Variants in DLG2 observed in about 807,000 individuals in gnomAD.
The protein encoded by DLG2 is disks large homolog 2.
A neutral mutation model predicts 132.5 loss-of-function variants in DLG2; 45 were observed. That is an observed-to-expected ratio of 0.34 (90% confidence interval 0.27 to 0.44). The LOEUF is 0.44. Among genes scored for constraint, DLG2 ranks in the 20% least tolerant of loss-of-function variants. The pLI, the probability that DLG2 is intolerant of heterozygous loss-of-function variation, is 1.00. For missense variants in DLG2, 1,045 were observed against 1,196.9 expected (o/e 0.87, Z 1.87); for synonymous variants, 424 against 419.6 (o/e 1.01, Z -0.13).
chr11:85,075,081 C>A (rs1296657991), intron 6 of DLG2, among the ~76,000 whole-genome samples: 1 of 151,786 alleles, frequency 6.6e-6, no homozygotes, highest in Non-Finnish European at 1.5e-5. Context: ...TGAGGAGTAA[C>A]ACAGGACATT....
At position 84,164,135 on chromosome 11, in the gene DLG2, C is replaced by T. The variant is rs185117997; in HGVS notation, c.574-624G>A. Among the ~76,000 whole-genome samples the T allele has an allele frequency of 1.7e-3, 258 of 152,186 alleles. 1 individual carries two copies. Among genetic ancestry groups the T allele is most frequent in the East Asian group, 5.8e-4 (3 of 5,172 alleles). ...AGACACATTTTGAAATGCTTAGTGA[C>T]GAATTGTTTCAACCATCCAACCAAT... On this transcript the variant is annotated intron_variant, in intron 8 of 27. Transcript: ENST00000376104.
At chr11:84,137,314 A>T (rs1178400843) in intron 9 of DLG2, among the ~76,000 whole-genome samples, 2 of 152,162 alleles carry the variant, frequency 1.3e-5, no homozygotes, top group Non-Finnish European at 2.9e-5. Flanking sequence ...TAAAACTCAC[A>T]ACCATACTCT....
chr11:84,451,304 A>T (rs2099050933), intron 7 of DLG2, among the ~76,000 whole-genome samples: 1 of 151,930 alleles, frequency 6.6e-6, no homozygotes, highest in African/African-American at 2.4e-5. Flanking sequence ...TAAATTTCTC[A>T]TGGTCCACAA....
At chr11:83,872,512 A>AT (rs1054656891) in intron 16 of DLG2, among the ~76,000 whole-genome samples, 7 of 152,246 alleles carry the variant, frequency 4.6e-5, no homozygotes, top group South Asian at 2.1e-4. Flanking sequence ...ACAGTTTGCT[A>AT]TTTTTTTGTA....
At chr11:85,484,912 T>C (rs1289010082) in intron 3 of DLG2, among the ~76,000 whole-genome samples, 2 of 152,018 alleles carry the variant, frequency 1.3e-5, no homozygotes, top group Non-Finnish European at 1.5e-5. Context: ...CATATGTTTA[T>C]TGTGGCACTA....
At chr11:83,699,964 C>CACACAAAA (rs1332813357) in intron 18 of DLG2, among the ~76,000 whole-genome samples, 1 of 150,518 alleles carries the variant, frequency 6.6e-6, no homozygotes, top group African/African-American at 2.4e-5. Context: ...CACACACACA[C>CACACAAAA]AAATACAGTT....
rs7119250 is a variant in DLG2 at position 84,867,584 on chromosome 11, A to G, written c.357+244077T>C. 5.3e-3 allele frequency among the ~76,000 whole-genome samples: 811 copies of G among 152,344 alleles called. 12 individuals carry two copies. The highest frequency in any genetic ancestry group is 0.018 in the African/African-American group (760 of 41,576). On this transcript the variant is annotated intron_variant, in intron 6 of 27. Coordinates refer to ENST00000376104, the MANE Select transcript of DLG2 (RefSeq NM_001142699.3). Reference sequence around the variant, plus strand: ...AGATTTGAACAAAGTAAAAACTTACAGAGGATTCAAAATGCAGGGAATTAG... The same window carrying G: ...AGATTTGAACAAAGTAAAAACTTACGGAGGATTCAAAATGCAGGGAATTAG...
At chr11:84,071,132 G>T (rs1391304930) in intron 10 of DLG2, among the ~76,000 whole-genome samples, 1 of 151,950 alleles carries the variant, frequency 6.6e-6, no homozygotes, top group Non-Finnish European at 1.5e-5. Flanking sequence ...TCATTCTGTT[G>T]CCCCAGCTGT....
intron 3 of DLG2, among the ~76,000 whole-genome samples, chr11:85,482,174 C>G (rs1370485442): frequency 6.6e-6 from 1 of 152,040 alleles, no homozygotes; most frequent in African/African-American, 2.4e-5. Flanking sequence ...GACCATCAGG[C>G]CAACTCCTGC....
intron 3 of DLG2, among the ~76,000 whole-genome samples, chr11:85,298,050 T>G (rs1207565844): frequency 6.6e-6 from 1 of 152,090 alleles, no homozygotes; most frequent in Non-Finnish European, 1.5e-5. Flanking sequence ...AGCAGTGACC[T>G]AGCAAGGGTT....
At chr11:84,043,731 T>C (rs1053120696) in intron 11 of DLG2, among the ~76,000 whole-genome samples, 4 of 151,916 alleles carry the variant, frequency 2.6e-5, no homozygotes, top group Admixed American at 2.6e-4. Context: ...CTCATCATAA[T>C]TATCTCAAGC....
chr11:84,349,498 C>T (rs756147488), intron 7 of DLG2, among the ~76,000 whole-genome samples: 3 of 152,076 alleles, frequency 2.0e-5, no homozygotes, highest in East Asian at 1.9e-4. Flanking sequence ...GCTTAAAAGC[C>T]GTCATGAGAA....
At chr11:85,299,417 C>T (rs1232237456) in intron 3 of DLG2, among the ~76,000 whole-genome samples, 2 of 152,114 alleles carry the variant, frequency 1.3e-5, no homozygotes, top group Non-Finnish European at 2.9e-5. Context: ...CTTTTCTTGT[C>T]ACCTAGGATG....
At chr11:85,613,856 GT>G (rs1296185101) in intron 2 of DLG2, among the ~76,000 whole-genome samples, 1 of 152,202 alleles carries the variant, frequency 6.6e-6, no homozygotes, top group Non-Finnish European at 1.5e-5. Flanking sequence ...CTTTGGGTAT[GT>G]GCCACCTTTA....
intron 19 of DLG2, among the ~76,000 whole-genome samples, chr11:83,616,510 T>C (rs2060840104): frequency 1.3e-5 from 2 of 152,240 alleles, no homozygotes; most frequent in Middle Eastern, 3.4e-3. Context: ...GTTTTTTTTT[T>C]CTCAAAGACT....
chr11:84,031,697 G>A (rs1196970953), intron 11 of DLG2, among the ~76,000 whole-genome samples: 1 of 152,128 alleles, frequency 6.6e-6, no homozygotes, highest in Non-Finnish European at 1.5e-5. Flanking sequence ...CCTCTTTCCA[G>A]TGAAATATTC....
At chr11:83,595,885 A>G (rs1565975963) in intron 19 of DLG2, among the ~76,000 whole-genome samples, 1 of 152,208 alleles carries the variant, frequency 6.6e-6, no homozygotes. Flanking sequence ...TTAGGTAGAG[A>G]TGATGTCGTA....
At chr11:84,707,155 T>C (rs983562975) in intron 6 of DLG2, among the ~76,000 whole-genome samples, 2 of 151,742 alleles carry the variant, frequency 1.3e-5, no homozygotes, top group Non-Finnish European at 2.9e-5. Flanking sequence ...CTAGCAAATA[T>C]AGCTCCCCAA....
chr11:84,358,555 T>C (rs2098631432), intron 7 of DLG2, among the ~76,000 whole-genome samples: 1 of 151,824 alleles, frequency 6.6e-6, no homozygotes. Flanking sequence ...TCTGAGGTGG[T>C]AACTTCTCTC....
Sources: gnomAD v4.1 joint callset for allele counts (sites outside exome capture counted in the v4.1 genomes callset) on GRCh38, gnomAD v4.1.1 for gene constraint, MANE v1.5 for transcripts, NCBI Gene and HGNC (gene_info 2026-07-23, HGNC 2026-07-21) for gene names.